Variants in SLK observed in about 807,000 individuals in gnomAD.
SLK encodes STE20 like kinase.
A neutral mutation model predicts 147.7 loss-of-function variants in SLK; 67 were observed. The observed-to-expected ratio is 0.45, with a 90% CI of 0.37 to 0.56. SLK has a LOEUF of 0.56. Ranked by LOEUF, SLK falls within the 20% of genes least tolerant of loss-of-function variation. The pLI, the probability that SLK is intolerant of heterozygous loss-of-function variation, is 0.00. For missense variants in SLK, 1,136 were observed against 1,438.8 expected (o/e 0.79, Z 3.41); for synonymous variants, 441 against 475.0 (o/e 0.93, Z 0.93).
chr10:104,012,402 A>C (rs1319370197), intron 13 of SLK, among the ~76,000 whole-genome samples: 2 of 152,192 alleles, frequency 1.3e-5, no homozygotes, highest in Non-Finnish European at 2.9e-5. Context: ...TGAGCCATTG[A>C]AACATTTTTT....
chr10:104,018,333 CT>C, intron 14 of SLK, 44 bp downstream of exon 14: 1 of 1,547,726 alleles, frequency 6.5e-7, no homozygotes, highest in Non-Finnish European at 8.8e-7. Context: ...TGTAGAATTC[CT>C]TATGACAGTA....
chr10:104,007,884 C>T (rs1419489613), intron 11 of SLK, among the ~76,000 whole-genome samples: 7 of 148,018 alleles, frequency 4.7e-5, no homozygotes, highest in Non-Finnish European at 7.5e-5. Flanking sequence ...CCCAGGAGGC[C>T]GAGGCTGCAG....
At chr10:104,008,421 T>C (rs1052820856) in intron 12 of SLK, 65 bp downstream of exon 12, 2 of 1,151,264 alleles carry the variant, frequency 1.7e-6, no homozygotes, top group African/African-American at 1.6e-5. Flanking sequence ...TTTAAGACTA[T>C]CTAAGGATTT....
At chr10:103,988,471 CA>C (rs34599412) in intron 1 of SLK, among the ~76,000 whole-genome samples, 72,996 of 151,706 alleles carry the variant, frequency 0.48, 18,946 homozygotes, top group East Asian at 0.72. Context: ...TGATTTTTCA[CA>C]AAAAAAATTT....
intron 1 of SLK, among the ~76,000 whole-genome samples, chr10:103,980,509 C>G (rs1392903734): frequency 6.6e-6 from 1 of 152,126 alleles, no homozygotes; most frequent in African/African-American, 2.4e-5. Context: ...TTCCTCCTGC[C>G]CTAGGCAACT....
intron 18 of SLK, among the ~76,000 whole-genome samples, chr10:104,024,133 C>T (rs1478255730): frequency 1.3e-5 from 2 of 152,184 alleles, no homozygotes; most frequent in African/African-American, 4.8e-5. Flanking sequence ...TTTTTCATTT[C>T]TGTCACACCC....
intron 11 of SLK, among the ~76,000 whole-genome samples, chr10:104,006,647 A>G (rs1014748135): frequency 2.0e-5 from 3 of 152,336 alleles, no homozygotes; most frequent in Admixed American, 6.5e-5. Flanking sequence ...TATGTTGACT[A>G]TCTGCCTTAA....
rs869224217 is a variant in SLK at position 103,971,267 on chromosome 10, G to GT, written c.150+3376dup. 8.6e-4 allele frequency among the ~76,000 whole-genome samples: 101 copies of GT among 117,598 alleles called. 1 individual carries two copies. The highest frequency in any genetic ancestry group is 2.8e-3 in the South Asian group (10 of 3,630). The allele number at this position is 117,598 out of a possible 152,430, so 77.1% of individuals were successfully genotyped here. A position where few individuals can be genotyped will look rare whatever the true frequency, so the allele number is the denominator to read the frequency against. Reference sequence around the variant, plus strand: ...GGGTTTCTCTTTTTTTGTTGTTGTTGTTTTGTTTGTGTTTTGTTTTGTTTT... The same window carrying GT: ...GGGTTTCTCTTTTTTTGTTGTTGTTGTTTTTGTTTGTGTTTTGTTTTGTTTT... On this transcript the variant is annotated intron_variant, in intron 1 of 18. Transcript: ENST00000369755.
intron 1 of SLK, among the ~76,000 whole-genome samples, chr10:103,977,988 T>A (rs1204407634): frequency 6.6e-6 from 1 of 152,216 alleles, no homozygotes; most frequent in East Asian, 1.9e-4. Context: ...CATCCATTCA[T>A]CCATTTATCC....
In SLK at chr10:104,028,848, A is replaced by T. The variant is rs1383749047; in HGVS notation, c.*3128A>T. 2 of 152,254 alleles carry T rather than the reference A, an allele frequency of 1.3e-5. No individual in the cohort carries two copies. The highest frequency in any genetic ancestry group is 3.8e-4 in the East Asian group (2 of 5,202). The allele number at this position is 152,254 out of a possible 1,614,324, so 9.4% of individuals were successfully genotyped here. A position where few individuals can be genotyped will look rare whatever the true frequency, so the allele number is the denominator to read the frequency against. ...TAAAGAAAATCTAGAACTGAAGTGA[A>T]AGAAGAGAGTTCCAGTTCTAATAGT... On this transcript the variant is annotated 3_prime_UTR_variant, in exon 19 of 19. Coordinates refer to ENST00000369755, the MANE Select transcript of SLK (RefSeq NM_014720.4).
intron 1 of SLK, among the ~76,000 whole-genome samples, chr10:103,976,769 A>G (rs1414143337): frequency 6.6e-6 from 1 of 152,152 alleles, no homozygotes; most frequent in Non-Finnish European, 1.5e-5. Flanking sequence ...TTCCCACACC[A>G]AGCTCAAGAT....
chr10:104,021,177 A>T (rs1456671219), intron 17 of SLK, among the ~76,000 whole-genome samples: 1 of 152,204 alleles, frequency 6.6e-6, no homozygotes, highest in East Asian at 1.9e-4. Context: ...GGGTATCTAT[A>T]TATTTGCTTA....
chr10:103,983,494 G>T (rs577294845), intron 1 of SLK, among the ~76,000 whole-genome samples: 5 of 152,228 alleles, frequency 3.3e-5, no homozygotes, highest in Admixed American at 3.3e-4. Flanking sequence ...TGTGATGCTG[G>T]TTCAAAGACT....
At chr10:103,991,885 G>A (rs1844098259) in intron 2 of SLK, among the ~76,000 whole-genome samples, 1 of 151,924 alleles carries the variant, frequency 6.6e-6, no homozygotes, top group Non-Finnish European at 1.5e-5. Flanking sequence ...TGAACCCATA[G>A]ACTAGTTAAT....
In SLK at chr10:104,003,119, C is replaced by T. The variant is rs756613813; in HGVS notation, c.1941C>T (p.Ser647=). 4 of 1,614,112 alleles carry T rather than the reference C, an allele frequency of 2.5e-6. No individual in the cohort carries two copies. In the South Asian group the frequency reaches 3.3e-5, roughly 13 times the overall value. ...GTGAAGAAATCACTGAGTCAAGTAG[C>T]ACTGAAGAAATGGAGGTCAGAAGTG... The part of the protein sequence containing the change: ...TEGEEITESS[S]TEEMEVRSVV... The change falls in exon 9 of 19, where the codon AGC becomes AGT. Residue 647 remains serine (S), a synonymous_variant. Coordinates refer to ENST00000369755, the MANE Select transcript of SLK (RefSeq NM_014720.4).
rs896232954 is a variant in SLK at position 103,986,914 on chromosome 10, G to C, written c.151-3761G>C. Among the ~76,000 whole-genome samples the C allele has an allele frequency of 3.3e-5, 5 of 152,208 alleles. No individual in the cohort carries two copies. In the East Asian group the frequency reaches 9.7e-4, roughly 29 times the overall value. On this transcript the variant is annotated intron_variant, in intron 1 of 18. Coordinates refer to ENST00000369755, the MANE Select transcript of SLK (RefSeq NM_014720.4). Reference sequence around the variant, plus strand: ...GCTGGTCTTGAACTCCTGACCTTGTGATCCGCCCGCCTTGGCCTCCCAAAG... The same window carrying C: ...GCTGGTCTTGAACTCCTGACCTTGTCATCCGCCCGCCTTGGCCTCCCAAAG...
chr10:103,998,817 C>G, intron 4 of SLK, 82 bp from the exon 5 acceptor site: 1 of 908,132 alleles, frequency 1.1e-6, no homozygotes, highest in African/African-American at 1.7e-5. Flanking sequence ...TTATTAAAGA[C>G]TTAAAATGCT....
intron 1 of SLK, among the ~76,000 whole-genome samples, chr10:103,970,524 A>G (rs2134437758): frequency 6.6e-6 from 1 of 152,082 alleles, no homozygotes; most frequent in Middle Eastern, 3.4e-3. Context: ...TCATTTCACT[A>G]CTCTCTGCTT....
intron 6 of SLK, 119 bp from the exon 7 acceptor site, chr10:103,999,748 A>G: frequency 2.0e-6 from 1 of 508,726 alleles, no homozygotes; most frequent in Non-Finnish European, 3.6e-6. Context: ...CTAGTTATTT[A>G]AATGTTGAAT....
Sources: allele counts gnomAD v4.1 joint callset (sites outside exome capture counted in the v4.1 genomes callset), GRCh38; gene constraint gnomAD v4.1.1; transcripts MANE v1.5; gene names NCBI Gene and HGNC (gene_info 2026-07-23, HGNC 2026-07-21).